Variants in HFM1 observed in about 807,000 individuals in gnomAD.
HFM1 encodes the protein probable ATP-dependent DNA helicase HFM1.
Under a neutral mutation model 192.1 loss-of-function variants are expected in HFM1, and 169 were observed. That is an observed-to-expected ratio of 0.88 (90% CI 0.78 to 1.00). The LOEUF (loss-of-function observed/expected upper bound fraction) is 1.00. HFM1 is among the 50% of genes least tolerant of loss of function. The pLI is 0.00. For synonymous variants in HFM1, 525 were observed against 537.8 expected, an observed-to-expected ratio of 0.98 and a Z score of 0.33; for missense variants, 1,661 against 1,668.0, an observed-to-expected ratio of 1.00 and a Z score of 0.07.
chr1:91,313,893 GATGT>G (rs1650836945), intron 29 of HFM1, 60 bp downstream of exon 29: 1 of 836,306 alleles, frequency 1.2e-6, no homozygotes, highest in Non-Finnish European at 1.9e-6. Context: ...CAGCATAAAG[GATGT>G]AATTTTTAAA....
chr1:91,375,191 A>G (rs193207083), intron 13 of HFM1, among the ~76,000 whole-genome samples, 167 bp downstream of exon 13: 3 of 152,244 alleles, frequency 2.0e-5, no homozygotes, highest in African/African-American at 7.2e-5. Flanking sequence ...TCACCCCTGT[A>G]CGAAGATTCA....
intron 30 of HFM1, among the ~76,000 whole-genome samples, chr1:91,298,439 C>A (rs1648068974): frequency 6.6e-6 from 1 of 152,030 alleles, no homozygotes; most frequent in Admixed American, 6.6e-5. Context: ...ACAAAGAATG[C>A]CACAAAGATA....
intron 30 of HFM1, among the ~76,000 whole-genome samples, chr1:91,289,300 G>A (rs569226016): frequency 4.0e-5 from 6 of 151,806 alleles, no homozygotes; most frequent in South Asian, 2.1e-4. Context: ...CATCCCAGAC[G>A]ATGGGCGGCC....
intron 30 of HFM1, among the ~76,000 whole-genome samples, chr1:91,290,996 A>G (rs1479533024): frequency 6.6e-6 from 1 of 152,206 alleles, no homozygotes; most frequent in Middle Eastern, 3.2e-3. Context: ...ATGTTCTTTG[A>G]AACCAACGAG....
In HFM1 at chr1:91,332,185, C is replaced by T. The variant is rs190136517; in HGVS notation, c.2336-7419G>A. Among the ~76,000 whole-genome samples, 200 of 152,256 alleles carry T rather than the reference C, an allele frequency of 1.3e-3. 1 individual carries two copies. The highest frequency in any genetic ancestry group is 4.5e-3 in the African/African-American group (186 of 41,544). Reference sequence around the variant, plus strand: ...AAAAAGAACAAAACTGGAGGAATTACATTACCTGATTTCAAACTATACTAC... The same window carrying T: ...AAAAAGAACAAAACTGGAGGAATTATATTACCTGATTTCAAACTATACTAC... On this transcript the variant is annotated intron_variant, in intron 20 of 38. Transcript: ENST00000370425.
At chr1:91,367,491 C>A (rs1049262476) in intron 13 of HFM1, among the ~76,000 whole-genome samples, 3 of 151,148 alleles carry the variant, frequency 2.0e-5, no homozygotes, top group South Asian at 2.1e-4. Context: ...CCCAGGCAAA[C>A]AGGGTCTGGA....
In HFM1 at chr1:91,375,465, C is replaced by T. The variant is rs115426867; in HGVS notation, c.1597-19G>A. On this transcript the variant is annotated intron_variant, in intron 12 of 38. Coordinates refer to ENST00000370425, the MANE Select transcript of HFM1 (RefSeq NM_001017975.6). ...CACAAAACTGAAAATAAATTCATAA[C>T]GTTTGTATTAATCATGTTAAAAACT... The T allele has an allele frequency of 2.6e-3, 4,185 of 1,611,440 alleles. 14 individuals carry two copies. The highest frequency in any genetic ancestry group is 3.4e-3 in the Non-Finnish European group (3,965 of 1,178,022).
intron 23 of HFM1, among the ~76,000 whole-genome samples, chr1:91,320,841 CAACT>C (rs1391442060): frequency 1.5e-4 from 23 of 152,150 alleles, no homozygotes; most frequent in African/African-American, 5.1e-4. Flanking sequence ...TCTACCACCT[CAACT>C]AACAGGGGCA....
intron 34 of HFM1, among the ~76,000 whole-genome samples, chr1:91,270,296 T>C (rs996596524): frequency 3.9e-5 from 6 of 152,136 alleles, no homozygotes; most frequent in Non-Finnish European, 7.4e-5. Context: ...AAGGACACTT[T>C]AGCAGCTTAA....
chr1:91,274,675 AG>A (rs756416989), intron 33 of HFM1, 54 bp downstream of exon 33: 135 of 882,234 alleles, frequency 1.5e-4, no homozygotes, highest in Non-Finnish European at 2.3e-4. Flanking sequence ...GGTTACCTGC[AG>A]GAACAGAGTT....
intron 13 of HFM1, among the ~76,000 whole-genome samples, chr1:91,373,122 C>A (rs2101942495): frequency 7.0e-6 from 1 of 141,986 alleles, no homozygotes; most frequent in South Asian, 2.4e-4. Context: ...AATAGACTAT[C>A]TTTATAGTCT....
Position 91,314,027 on chromosome 1 carries a change from A to C in HFM1, c.3174T>G (p.Ala1058=), listed in dbSNP as rs200074743. The C allele has an allele frequency of 1.9e-6, 3 of 1,610,378 alleles. No homozygotes were observed. The East Asian group carries it at 6.7e-5, about 36-fold the overall frequency. Residue 1058 remains alanine, a synonymous_variant, in exon 29 of 39, where the codon GCT becomes GCG. Coordinates refer to ENST00000370425, the MANE Select transcript of HFM1 (RefSeq NM_001017975.6). Reference sequence around the variant, plus strand: ...GAGCTCTTTTCACAGCAATCTTTTTAGCCCAACTTCCAGCTTTTAGCAAAA... The same window carrying C: ...GAGCTCTTTTCACAGCAATCTTTTTCGCCCAACTTCCAGCTTTTAGCAAAA... The part of the protein sequence containing the change: ...DSVLLKAGSW[A]KKIAVKRALK...
intron 30 of HFM1, among the ~76,000 whole-genome samples, chr1:91,304,633 A>AT (rs58215219): frequency 1.4e-3 from 190 of 140,716 alleles, no homozygotes; most frequent in African/African-American, 4.1e-3. Context: ...CAGCCGGCTA[A>AT]TTTTTTTTTT....
At chr1:91,313,881 A>G (rs1650834563) in intron 29 of HFM1, 76 bp downstream of exon 29, 1 of 741,690 alleles carries the variant, frequency 1.3e-6, no homozygotes. Context: ...GTTTTTCTGT[A>G]CCAGCATAAA....
chr1:91,381,532 A>G (rs1254564731), intron 6 of HFM1, among the ~76,000 whole-genome samples: 1 of 152,200 alleles, frequency 6.6e-6, no homozygotes, highest in Admixed American at 6.5e-5. Context: ...AAGAACTTAA[A>G]TCATCCTTCC....
intron 20 of HFM1, chr1:91,329,442 A>C (rs1309160594): frequency 6.4e-7 from 1 of 1,570,398 alleles, no homozygotes; most frequent in East Asian, 2.3e-5. Flanking sequence ...AGCTAAGTGC[A>C]AGGAGCCAGA....
intron 19 of HFM1, among the ~76,000 whole-genome samples, chr1:91,346,347 G>A (rs1402997764): frequency 6.6e-6 from 1 of 152,080 alleles, no homozygotes; most frequent in Non-Finnish European, 1.5e-5. Context: ...CAAAATATAT[G>A]TTTAATTAAA....
chr1:91,298,435 A>T (rs144838613), intron 30 of HFM1, among the ~76,000 whole-genome samples: 1,870 of 152,266 alleles, frequency 0.012, 41 homozygotes, highest in African/African-American at 0.041. Context: ...AAATACAAAG[A>T]ATGCCACAAA....
intron 30 of HFM1, among the ~76,000 whole-genome samples, chr1:91,283,493 T>A (rs534154269): frequency 8.5e-5 from 13 of 152,218 alleles, no homozygotes; most frequent in African/African-American, 3.1e-4. Context: ...GTTCAAGCAA[T>A]CCACCCACTT....
Sources: gnomAD v4.1 joint callset for allele counts (sites outside exome capture counted in the v4.1 genomes callset) on GRCh38, gnomAD v4.1.1 for gene constraint, MANE v1.5 for transcripts, NCBI Gene and HGNC (gene_info 2026-07-23, HGNC 2026-07-21) for gene names.